Variants in SLC27A6 observed in about 807,000 individuals in gnomAD.
SLC27A6 encodes the protein solute carrier family 27 member 6, also known as long-chain fatty acid transport protein 6.
A neutral mutation model predicts 63.9 loss-of-function variants in SLC27A6; 74 were observed. The observed-to-expected ratio is 1.16, with a 90% CI of 0.96 to 1.40. The LOEUF is 1.40. Ranked by LOEUF, SLC27A6 falls within the 40% of genes most tolerant of loss-of-function variation. The probability of loss-of-function intolerance (pLI) is 0.00; values close to 1 mark genes in which losing one functional copy is unlikely to be tolerated. For synonymous variants in SLC27A6, 287 were observed against 260.8 expected (o/e 1.10, Z -0.97); for missense variants, 794 against 732.9 (o/e 1.08, Z -0.96).
intron 2 of SLC27A6, among the ~76,000 whole-genome samples, chr5:128,988,047 A>C (rs2150135457): frequency 6.6e-6 from 1 of 152,228 alleles, no homozygotes; most frequent in East Asian, 1.9e-4. Flanking sequence ...AAAAAATAGA[A>C]ATACCATGTT....
In SLC27A6 at chr5:128,990,353, G is replaced by T; in HGVS notation, c.858G>T (p.Val286=). 1 of 1,613,626 alleles carries T rather than the reference G, an allele frequency of 6.2e-7. No individual in the cohort carries two copies. ...SGCVELGATC[V]LKKKFSASQF... is the part of the protein sequence containing the mutation. ...CTTTTCTTATAGGTGCCACTTGTGT[G>T]TTAAAGAAGAAATTTTCAGCAAGCC... Residue 286 remains valine, a synonymous_variant, in exon 4 of 10, where the codon GTG becomes GTT. Coordinates refer to ENST00000262462, the MANE Select transcript of SLC27A6 (RefSeq NM_001017372.3).
intron 5 of SLC27A6, among the ~76,000 whole-genome samples, chr5:129,019,954 G>C (rs1489923969): frequency 6.6e-6 from 1 of 151,956 alleles, no homozygotes; most frequent in Non-Finnish European, 1.5e-5. Context: ...GTAAAAACTT[G>C]AATCTTTAGC....
At chr5:128,966,730 G>T (rs1221953464) in intron 1 of SLC27A6, 112 bp downstream of exon 1, 1 of 1,103,696 alleles carries the variant, frequency 9.1e-7, no homozygotes, top group African/African-American at 1.6e-5. Context: ...AGTGAAGTGT[G>T]CATGTTAAGA....
rs1279754631 is a variant in SLC27A6 at position 129,029,673 on chromosome 5, C to G, written c.1649C>G (p.Pro550Arg). Residue 550 changes from proline (P) to arginine (R), a missense_variant, in exon 9 of 10, where the codon CCA becomes CGA. Physicochemically the swap from Pro to Arg is moderately radical, Grantham distance 103 (BLOSUM62 -2). Transcript: ENST00000262462. The stretch of plus-strand genomic sequence containing the variant: ...TATGAACAAGTTGTAACATTTCTAC[C>G]AGCTTATGCTTGTCCACGATTTTTA... ...KVYEQVVTFL[P>R]AYACPRFLRI... The G allele has an allele frequency of 1.9e-6, 3 of 1,601,842 alleles. No homozygotes were observed. Among genetic ancestry groups the G allele is most frequent in the African/African-American group, 1.4e-5 (1 of 74,010 alleles).
chr5:128,983,514 C>T (rs1171769449), intron 1 of SLC27A6, among the ~76,000 whole-genome samples: 1 of 152,008 alleles, frequency 6.6e-6, no homozygotes, highest in East Asian at 1.9e-4. Flanking sequence ...AGGCTGGTCT[C>T]GAACTCCTGA....
intron 1 of SLC27A6, among the ~76,000 whole-genome samples, chr5:128,974,546 G>A (rs906591838): frequency 6.6e-6 from 1 of 152,196 alleles, no homozygotes; most frequent in South Asian, 2.1e-4. Flanking sequence ...AGTCTCATTT[G>A]TGAACAATAT....
intron 4 of SLC27A6, among the ~76,000 whole-genome samples, chr5:128,992,162 CT>C (rs1214227259): frequency 3.9e-4 from 45 of 116,842 alleles, no homozygotes; most frequent in African/African-American, 1.7e-3. Flanking sequence ...TGAGACCCAC[CT>C]TTCCTTGACT....
intron 1 of SLC27A6, among the ~76,000 whole-genome samples, chr5:128,981,726 A>G (rs59966553): frequency 0.032 from 4,855 of 152,250 alleles, 254 homozygotes; most frequent in African/African-American, 0.11. Context: ...ATTTCCTTAA[A>G]GTATTTAAAC....
At chr5:128,986,835 A>C (rs1283254934) in intron 2 of SLC27A6, among the ~76,000 whole-genome samples, 1 of 152,226 alleles carries the variant, frequency 6.6e-6, no homozygotes, top group East Asian at 1.9e-4. Flanking sequence ...CAGACACCGC[A>C]GACCCAAGAA....
intron 4 of SLC27A6, among the ~76,000 whole-genome samples, chr5:129,008,784 A>G (rs1469328466): frequency 6.6e-6 from 1 of 151,792 alleles, no homozygotes; most frequent in African/African-American, 2.4e-5. Context: ...CTTAAACCTC[A>G]TTTATGTAGG....
intron 1 of SLC27A6, among the ~76,000 whole-genome samples, chr5:128,980,224 C>T (rs1270330607): frequency 1.3e-5 from 2 of 152,130 alleles, no homozygotes; most frequent in Non-Finnish European, 2.9e-5. Context: ...ACCACCACCA[C>T]AGCAGACACC....
chr5:128,989,923 C>CA (rs11415836), intron 3 of SLC27A6, among the ~76,000 whole-genome samples: 32,669 of 96,154 alleles, frequency 0.34, 4,294 homozygotes, highest in Non-Finnish European at 0.38. Flanking sequence ...GACTCCGTCT[C>CA]AAAAAAAAAA....
At chr5:129,000,564 A>G (rs1414284585) in intron 4 of SLC27A6, among the ~76,000 whole-genome samples, 1 of 152,162 alleles carries the variant, frequency 6.6e-6, no homozygotes, top group East Asian at 1.9e-4. Context: ...GGGAATTTGG[A>G]TAAATCAAAG....
chr5:129,028,658 A>ATT (rs35862007), intron 8 of SLC27A6, among the ~76,000 whole-genome samples: 118 of 141,996 alleles, frequency 8.3e-4, no homozygotes, highest in Middle Eastern at 3.7e-3. Flanking sequence ...GCCTGCGTGT[A>ATT]TTTTTTTTTT....
At chr5:129,014,822 A>G (rs921645708) in intron 4 of SLC27A6, among the ~76,000 whole-genome samples, 1 of 152,172 alleles carries the variant, frequency 6.6e-6, no homozygotes, top group Non-Finnish European at 1.5e-5. Context: ...GCTAACCTGC[A>G]GGCTTGGATT....
chr5:129,013,034 G>T, intron 4 of SLC27A6, among the ~76,000 whole-genome samples: 1 of 150,962 alleles, frequency 6.6e-6, no homozygotes, highest in Admixed American at 6.6e-5. Context: ...ATCTTCTTTT[G>T]AAATAATATT....
intron 5 of SLC27A6, among the ~76,000 whole-genome samples, chr5:129,019,969 G>A (rs916947887): frequency 6.6e-6 from 1 of 152,032 alleles, no homozygotes; most frequent in Admixed American, 6.6e-5. Context: ...TTTAGCAGAA[G>A]AGTACACTAT....
chr5:128,983,354 G>C (rs915053001), intron 1 of SLC27A6, among the ~76,000 whole-genome samples: 2 of 143,328 alleles, frequency 1.4e-5, no homozygotes, highest in African/African-American at 5.2e-5. Context: ...GTACAATGGC[G>C]TGATCTCGGC....
intron 4 of SLC27A6, among the ~76,000 whole-genome samples, chr5:128,999,571 A>G (rs1751266015): frequency 6.6e-6 from 1 of 152,108 alleles, no homozygotes; most frequent in Non-Finnish European, 1.5e-5. Flanking sequence ...CCTACCTGAC[A>G]TGTCCACTTA....
Sources: gnomAD v4.1 joint callset for allele counts (sites outside exome capture counted in the v4.1 genomes callset) on GRCh38, gnomAD v4.1.1 for gene constraint, MANE v1.5 for transcripts, NCBI Gene and HGNC (gene_info 2026-07-23, HGNC 2026-07-21) for gene names.